GPRIN2: variants seen among roughly 807,000 people sequenced by gnomAD.
GPRIN2 encodes G protein regulated inducer of neurite outgrowth 2.
Under a neutral mutation model 0.3 loss-of-function variants are expected in GPRIN2, and 1 was observed. That is an observed-to-expected ratio of 3.90 (90% CI 1.39 to 18.51). The LOEUF (loss-of-function observed/expected upper bound fraction) is 18.51. GPRIN2 is among the 30% of genes most tolerant of loss of function. The pLI, the probability that GPRIN2 is intolerant of heterozygous loss-of-function variation, is 0.11. For missense variants in GPRIN2, 880 were observed against 604.2 expected, an observed-to-expected ratio of 1.46 and a Z score of -4.79; for synonymous variants, 361 against 258.6, an observed-to-expected ratio of 1.40 and a Z score of -3.80.
At chr10:46,554,827 T>C (rs1831969180) in intron 1 of GPRIN2, 132 bp from the exon 2 acceptor site, 1 of 154,078 alleles carries the variant, frequency 6.5e-6, no homozygotes, top group East Asian at 1.9e-4. Flanking sequence ...GCTCCCGCCA[T>C]GCTGCCACAG....
In GPRIN2 at chr10:46,547,122, G is replaced by A. The variant is rs1842230438; in HGVS notation, c.*2238C>T. On this transcript the variant is annotated 3_prime_UTR_variant, in exon 3 of 3. Coordinates refer to ENST00000374314, the MANE Select transcript of GPRIN2 (RefSeq NM_001385282.1). Reference sequence around the variant, plus strand: ...GAACATGCCATTCACCTTGACCCAGGTAGTGGCCTCACCCTCCTCTTGCTC... The same window carrying A: ...GAACATGCCATTCACCTTGACCCAGATAGTGGCCTCACCCTCCTCTTGCTC... Among the ~76,000 whole-genome samples, 1 of 152,310 alleles carries A rather than the reference G, an allele frequency of 6.6e-6. No homozygotes were observed. Among genetic ancestry groups the A allele is most frequent in the Admixed American group, 6.5e-5 (1 of 15,294 alleles).
rs1842380059 is a variant in GPRIN2 at position 46,548,592 on chromosome 10, C to G, written c.*768G>C. ...GGTCAGCATCCTCCCCTGCCATCCC[C>G]AACCCACACCATGAGCTCAGCCAGG... On this transcript the variant is annotated 3_prime_UTR_variant, in exon 3 of 3. Coordinates refer to ENST00000374314, the MANE Select transcript of GPRIN2 (RefSeq NM_001385282.1). Among the ~76,000 whole-genome samples, 1 of 152,312 alleles carries G rather than the reference C, an allele frequency of 6.6e-6. No homozygotes were observed. The highest frequency in any genetic ancestry group is 1.5e-5 in the Non-Finnish European group (1 of 68,058).
chr10:46,546,501 T>C lies in GPRIN2; in HGVS notation c.*2859A>G, dbSNP rs1832897171. ...AAGCTCTCACCTCCAAATTTGTATCTGTTTTGAATTCAAAGCCAAACAAAC... is the reference window on the plus strand; with the variant it reads ...AAGCTCTCACCTCCAAATTTGTATCCGTTTTGAATTCAAAGCCAAACAAAC... On this transcript the variant is annotated 3_prime_UTR_variant, in exon 3 of 3. Transcript: ENST00000374314. Among the ~76,000 whole-genome samples, 10 of 152,420 alleles carry C rather than the reference T, an allele frequency of 6.6e-5. No individual in the cohort carries two copies. The South Asian group carries it at 1.9e-3, about 28-fold the overall frequency.
Position 46,545,648 on chromosome 10 carries a change from A to T in GPRIN2, c.*3712T>A, listed in dbSNP as rs1832936910. ...GCGAGGAACCTGGAAAGAGGCTCTG[A>T]ACAAGGGACTTTTAAGGAAGTGGGA... is the stretch of plus-strand genomic sequence containing the variant. On this transcript the variant is annotated 3_prime_UTR_variant, in exon 3 of 3. Transcript: ENST00000374314. Among the ~76,000 whole-genome samples the T allele has an allele frequency of 1.3e-5, 2 of 152,308 alleles. No homozygotes were observed. The highest frequency in any genetic ancestry group is 3.8e-4 in the East Asian group (2 of 5,206).
chr10:46,548,225 A>G lies in GPRIN2; in HGVS notation c.*1135T>C, dbSNP rs1245245051. Among the ~76,000 whole-genome samples, 1 of 150,914 alleles carries G rather than the reference A, an allele frequency of 6.6e-6. No homozygotes were observed. Among genetic ancestry groups the G allele is most frequent in the African/African-American group, 2.4e-5 (1 of 40,900 alleles). ...ACAGGCCTCGAGAAATCTTTGGGCA[A>G]TGAAGTCAGACTGTGCCAAAGCCCA... On this transcript the variant is annotated 3_prime_UTR_variant, in exon 3 of 3. Transcript: ENST00000374314.
At position 46,546,632 on chromosome 10, in the gene GPRIN2, C is replaced by T. The variant is rs1832892648; in HGVS notation, c.*2728G>A. On this transcript the variant is annotated 3_prime_UTR_variant, in exon 3 of 3. Transcript: ENST00000374314. ...AGGGGAGGAGATCTGTAAACTAAAC[C>T]GCTGGCCATGCTCTGGGGCCCTAAA... Among the ~76,000 whole-genome samples, 40 of 152,418 alleles carry T rather than the reference C, an allele frequency of 2.6e-4. No homozygotes were observed. The highest frequency in any genetic ancestry group is 8.3e-4 in the South Asian group (4 of 4,832).
chr10:46,550,813 C>T (rs2131587229), intron 2 of GPRIN2, 71 bp from the exon 3 acceptor site: 1 of 1,460,092 alleles, frequency 6.8e-7, no homozygotes, highest in Non-Finnish European at 9.1e-7. Context: ...CTACTATGAA[C>T]TCCCACAGTG....
Position 46,542,402 on chromosome 10 carries a change from G to A in GPRIN2, c.*6958C>T, listed in dbSNP as rs1841829456. ...GATCAGGTGGAGGTGATGGAATCGT[G>A]GGGGCGGTTCCCCCATGCTGTTCTT... is the stretch of plus-strand genomic sequence containing the variant. On this transcript the variant is annotated 3_prime_UTR_variant, in exon 3 of 3. Transcript: ENST00000374314. 6.6e-6 allele frequency among the ~76,000 whole-genome samples: 1 copy of A among 152,306 alleles called. No homozygotes were observed. The highest frequency in any genetic ancestry group is 1.5e-5 in the Non-Finnish European group (1 of 68,056).
Position 46,546,584 on chromosome 10 carries a change from T to A in GPRIN2, c.*2776A>T, listed in dbSNP as rs1272173569. 1.3e-5 allele frequency among the ~76,000 whole-genome samples: 2 copies of A among 152,310 alleles called. No homozygotes were observed. The highest frequency in any genetic ancestry group is 4.8e-5 in the African/African-American group (2 of 41,488). On this transcript the variant is annotated 3_prime_UTR_variant, in exon 3 of 3. Coordinates refer to ENST00000374314, the MANE Select transcript of GPRIN2 (RefSeq NM_001385282.1). The stretch of plus-strand genomic sequence containing the variant: ...CAGGGCCTGAAAGGGACCCAGAAAG[T>A]CTGGCCAGAAATCTAGAGTCCAAGG...
chr10:46,550,931 C>A (rs1832229624), intron 2 of GPRIN2, among the ~76,000 whole-genome samples, 189 bp from the exon 3 acceptor site: 67 of 152,386 alleles, frequency 4.4e-4, no homozygotes, highest in Non-Finnish European at 8.4e-4. Flanking sequence ...AAGGTCATCT[C>A]ACATTAGACA....
In GPRIN2 at chr10:46,550,668, C is replaced by A. The variant is rs1832287506; in HGVS notation, c.69G>T (p.Gln23His). The A allele has an allele frequency of 6.5e-7, 1 of 1,531,628 alleles. No individual in the cohort carries two copies. Among genetic ancestry groups the A allele is most frequent in the Admixed American group, 2.2e-5 (1 of 46,418 alleles). 94.9% of individuals were successfully genotyped at this position (1,531,628 alleles called of 1,614,324 possible). A position where few individuals can be genotyped will look rare whatever the true frequency, so the allele number is the denominator to read the frequency against. ...CTTCACCCAGCAGGCTGGAAGAGCT[C>A]TGGGACAGGGGCTGAAGGCGGGGGC... is the stretch of plus-strand genomic sequence containing the variant. ...PLSPRLQPLS[Q>H]SSSSLLGEGR... The change falls in exon 3 of 3, where the codon CAG (glutamine) becomes CAT (histidine). Residue 23 changes from glutamine to histidine, a missense_variant. Coordinates refer to ENST00000374314, the MANE Select transcript of GPRIN2 (RefSeq NM_001385282.1).
At position 46,544,816 on chromosome 10, in the gene GPRIN2, A is replaced by T. The variant is rs901321831; in HGVS notation, c.*4544T>A. ...GGGGTGTGTGCTGTTGGTGTGAGAG[A>T]TCTGGATCTTAACAGATCAGACTTA... On this transcript the variant is annotated 3_prime_UTR_variant, in exon 3 of 3. Coordinates refer to ENST00000374314, the MANE Select transcript of GPRIN2 (RefSeq NM_001385282.1). Among the ~76,000 whole-genome samples, 56 of 152,390 alleles carry T rather than the reference A, an allele frequency of 3.7e-4. No individual in the cohort carries two copies. Among genetic ancestry groups the T allele is most frequent in the African/African-American group, 1.3e-3 (56 of 41,578 alleles).
rs1842286748 is a variant in GPRIN2, at chr10:46,547,632, G to A, written c.*1728C>T. The stretch of plus-strand genomic sequence containing the variant: ...CCCTGTGTGAAAGGTCCCTCCCCAT[G>A]CACCCACAGCCATTTGTTCTCTCTC... On this transcript the variant is annotated 3_prime_UTR_variant, in exon 3 of 3. Coordinates refer to ENST00000374314, the MANE Select transcript of GPRIN2 (RefSeq NM_001385282.1). Among the ~76,000 whole-genome samples the A allele has an allele frequency of 6.6e-6, 1 of 152,304 alleles. No individual in the cohort carries two copies.
rs1832681021 is a variant in GPRIN2 at position 46,549,555 on chromosome 10, G to A, written c.1182C>T (p.Tyr394=). ...GCACCTCCAGGTCCACCGCAGCTCC[G>A]TACACCTCCCATGTCATGCCCTCAG... ...WDAEGMTWEV[Y]GAAVDLEVLG... is the part of the protein sequence containing the mutation. The change falls in exon 3 of 3, where the codon TAC becomes TAT. Residue 394 remains tyrosine, a synonymous_variant. Coordinates refer to ENST00000374314, the MANE Select transcript of GPRIN2 (RefSeq NM_001385282.1). 157 of 1,613,944 alleles carry A rather than the reference G, an allele frequency of 9.7e-5. No homozygotes were observed. The African/African-American group carries it at 1.5e-3, about 15-fold the overall frequency.
rs1302625652 is a variant in GPRIN2, at chr10:46,544,568, C to T, written c.*4792G>A. 5.9e-5 allele frequency among the ~76,000 whole-genome samples: 9 copies of T among 152,308 alleles called. No individual in the cohort carries two copies. The highest frequency in any genetic ancestry group is 1.9e-4 in the African/African-American group (8 of 41,486). On this transcript the variant is annotated 3_prime_UTR_variant, in exon 3 of 3. Coordinates refer to ENST00000374314, the MANE Select transcript of GPRIN2 (RefSeq NM_001385282.1). ...CGAACTCCTGAGCTCAAGCAGTCAG[C>T]CCACCTCAGCCTCCCAAAGTGCTGG...
Position 46,549,475 on chromosome 10 carries a change from G to C in GPRIN2, c.1262C>G (p.Ala421Gly). ...AGACAGGCTGTCCTCGCTGGCGGGC[G>C]CCCGCTGCAGCTGCTCAAACTGCAT... ...LEMQFEQLQR[A>G]PASEDSLSVE... Residue 421 changes from alanine (A) to glycine (G), a missense_variant, in exon 3 of 3, where the codon GCG becomes GGG. Physicochemically the swap from Ala to Gly is moderately conservative, Grantham distance 60. Coordinates refer to ENST00000374314, the MANE Select transcript of GPRIN2 (RefSeq NM_001385282.1). 6.2e-7 allele frequency: 1 copy of C among 1,610,580 alleles called. No homozygotes were observed. The highest frequency in any genetic ancestry group is 8.5e-7 in the Non-Finnish European group (1 of 1,178,248).
intron 1 of GPRIN2, among the ~76,000 whole-genome samples, chr10:46,554,974 T>G (rs1213780126): frequency 6.6e-6 from 1 of 152,308 alleles, no homozygotes; most frequent in Non-Finnish European, 1.5e-5. Flanking sequence ...TGAGACAGAG[T>G]CTCGCTCTGT....
In GPRIN2 at chr10:46,542,567, G is replaced by C. The variant is rs1158071067; in HGVS notation, c.*6793C>G. Among the ~76,000 whole-genome samples the C allele has an allele frequency of 6.6e-6, 1 of 152,306 alleles. No homozygotes were observed. The highest frequency in any genetic ancestry group is 1.5e-5 in the Non-Finnish European group (1 of 68,056). On this transcript the variant is annotated 3_prime_UTR_variant, in exon 3 of 3. Transcript: ENST00000374314. The stretch of plus-strand genomic sequence containing the variant: ...TCTGCCATGATTGTAAGTTTCCTGA[G>C]GCTTCCTGTAAGTTTCCTGAGGCTC...
rs1841894426 is a variant in GPRIN2 at position 46,543,368 on chromosome 10, A to G, written c.*5992T>C. Among the ~76,000 whole-genome samples, 4 of 152,418 alleles carry G rather than the reference A, an allele frequency of 2.6e-5. No individual in the cohort carries two copies. The South Asian group carries it at 8.3e-4, about 32-fold the overall frequency. On this transcript the variant is annotated 3_prime_UTR_variant, in exon 3 of 3. Coordinates refer to ENST00000374314, the MANE Select transcript of GPRIN2 (RefSeq NM_001385282.1). ...TGGGGAGGCAGACAGGTTCTGAATAACCCAGAACAAAGAGAACATGAAACC... is the reference window on the plus strand; with the variant it reads ...TGGGGAGGCAGACAGGTTCTGAATAGCCCAGAACAAAGAGAACATGAAACC...
Sources: allele counts gnomAD v4.1 joint callset (sites outside exome capture counted in the v4.1 genomes callset), GRCh38; gene constraint gnomAD v4.1.1; transcripts MANE v1.5; gene names NCBI Gene and HGNC (gene_info 2026-07-23, HGNC 2026-07-21).